The following AFF3 variants were observed in gnomAD, a reference collection of about 807,000 sequenced individuals.
The protein encoded by AFF3 is ALF transcription elongation factor 3.
Under a neutral mutation model 129.7 loss-of-function variants are expected in AFF3, and 32 were observed. The ratio of observed to expected loss-of-function variants is 0.25; its 90% CI spans 0.19 to 0.33. The LOEUF is 0.33. Ranked by LOEUF, AFF3 falls within the 10% of genes least tolerant of loss-of-function variation. AFF3 has a pLI of 1.00. For synonymous variants in AFF3, 644 were observed against 635.4 expected (o/e 1.01, Z -0.20); for missense variants, 1,373 against 1,592.0 (o/e 0.86, Z 2.34).
chr2:100,061,816 G>A (rs1039941379), intron 4 of AFF3, among the ~76,000 whole-genome samples: 1 of 145,004 alleles, frequency 6.9e-6, no homozygotes, highest in African/African-American at 2.5e-5. Context: ...GCTGTGCTGT[G>A]ATCCCCTCCA....
intron 7 of AFF3, among the ~76,000 whole-genome samples, chr2:99,887,489 A>G (rs1693200488): frequency 6.6e-6 from 1 of 152,218 alleles, no homozygotes; most frequent in East Asian, 1.9e-4. Flanking sequence ...TTTTAAAGCA[A>G]CACATTATCC....
intron 4 of AFF3, among the ~76,000 whole-genome samples, chr2:100,057,805 A>G (rs1686924530): frequency 6.6e-6 from 1 of 152,248 alleles, no homozygotes; most frequent in Admixed American, 6.5e-5. Context: ...ACCAGCATTT[A>G]TAACAAACAT....
At chr2:99,982,824 GA>G (rs1049642639) in intron 7 of AFF3, among the ~76,000 whole-genome samples, 1 of 152,090 alleles carries the variant, frequency 6.6e-6, no homozygotes, top group African/African-American at 2.4e-5. Context: ...AATCAGAACA[GA>G]AAAAAATTCC....
chr2:100,025,869 C>CTCATCTCT (rs1354670365), intron 4 of AFF3, among the ~76,000 whole-genome samples: 1 of 152,196 alleles, frequency 6.6e-6, no homozygotes, highest in African/African-American at 2.4e-5. Context: ...AAACTGGATC[C>CTCATCTCT]TCATCTCTCG....
In AFF3 at chr2:99,551,230, T is replaced by TATGGAAACTA. The variant is rs1228460125; in HGVS notation, c.*234_*243dup. 1 of 568,880 alleles carries TATGGAAACTA rather than the reference T, an allele frequency of 1.8e-6. No homozygotes were observed. The highest frequency in any genetic ancestry group is 3.1e-6 in the Non-Finnish European group (1 of 321,826). 35.2% of individuals were successfully genotyped at this position (568,880 alleles called of 1,614,324 possible). On this transcript the variant is annotated 3_prime_UTR_variant, in exon 25 of 25. Coordinates refer to ENST00000672756, the MANE Select transcript of AFF3 (RefSeq NM_001386135.1). ...CTGATCACTTTGTCTAGCCTGGGATTATGGAAACTAGACAAAGAAGGTGTG... is the reference window on the plus strand; with the variant it reads ...CTGATCACTTTGTCTAGCCTGGGATTATGGAAACTAATGGAAACTAGACAAAGAAGGTGTG...
At chr2:99,642,153 G>C (rs1314133879) in intron 13 of AFF3, among the ~76,000 whole-genome samples, 1 of 152,212 alleles carries the variant, frequency 6.6e-6, no homozygotes, top group Non-Finnish European at 1.5e-5. Context: ...GCAGGAGAGG[G>C]AGGGAGGAGC....
intron 8 of AFF3, among the ~76,000 whole-genome samples, chr2:99,818,753 T>C (rs1323712602): frequency 2.6e-5 from 4 of 152,246 alleles, no homozygotes; most frequent in African/African-American, 9.6e-5. Context: ...TACATGATTT[T>C]AAATTCTTTG....
At chr2:100,022,213 A>G (rs939509545) in intron 4 of AFF3, among the ~76,000 whole-genome samples, 1 of 152,216 alleles carries the variant, frequency 6.6e-6, no homozygotes. Context: ...AATTTCAGTT[A>G]GACACCTAAT....
Position 99,744,201 on chromosome 2 carries a change from C to T in AFF3, c.1003-61G>A. Reference sequence around the variant, plus strand: ...TTTGACTTTCAAAATCCAAGTTAAACATGAGATCATGTTTAAAACTGGTCA... The same window carrying T: ...TTTGACTTTCAAAATCCAAGTTAAATATGAGATCATGTTTAAAACTGGTCA... On this transcript the variant is annotated intron_variant, in intron 9 of 24. Coordinates refer to ENST00000672756, the MANE Select transcript of AFF3 (RefSeq NM_001386135.1). 3 of 1,469,152 alleles carry T rather than the reference C, an allele frequency of 2.0e-6. No individual in the cohort carries two copies. The Admixed American group carries it at 5.3e-5, about 26-fold the overall frequency. 91.0% of individuals were successfully genotyped at this position (1,469,152 alleles called of 1,614,324 possible). A position where few individuals can be genotyped will look rare whatever the true frequency, so the allele number is the denominator to read the frequency against.
At chr2:99,713,479 G>C (rs1678098620) in intron 11 of AFF3, among the ~76,000 whole-genome samples, 1 of 151,912 alleles carries the variant, frequency 6.6e-6, no homozygotes, top group South Asian at 2.1e-4. Context: ...CTGTTGGCCA[G>C]GTTGGTCTCA....
chr2:100,134,170 T>C (rs1370823244), intron 1 of AFF3, among the ~76,000 whole-genome samples: 2 of 152,146 alleles, frequency 1.3e-5, no homozygotes, highest in Non-Finnish European at 2.9e-5. Flanking sequence ...AAATATCTAG[T>C]TTTTAAGGCT....
intron 16 of AFF3, among the ~76,000 whole-genome samples, chr2:99,583,346 C>G (rs1407769087): frequency 6.6e-6 from 1 of 152,170 alleles, no homozygotes; most frequent in African/African-American, 2.4e-5. Flanking sequence ...AAGGAGCAAG[C>G]AGTGGGAAAG....
chr2:99,747,357 C>T (rs1681256861), intron 9 of AFF3, among the ~76,000 whole-genome samples: 1 of 151,068 alleles, frequency 6.6e-6, no homozygotes, highest in Non-Finnish European at 1.5e-5. Flanking sequence ...AGAGACAGGG[C>T]CACATTCTGT....
rs1443001410 is a variant in AFF3 at position 99,744,105 on chromosome 2, T to A, written c.1038A>T (p.Pro346=). The change falls in exon 10 of 25, where the codon CCA becomes CCT. Residue 346 remains proline, a splice_region_variant and synonymous_variant. Coordinates refer to ENST00000672756, the MANE Select transcript of AFF3 (RefSeq NM_001386135.1). ...SQLVSSGHNN[P]KKGDAEPESP... ...ACTCCAGAGCGAAGTCTTTCTTACT[T>A]GGATTATTGTGTCCAGAGGATACAA... The A allele has an allele frequency of 6.2e-7, 1 of 1,604,750 alleles. No individual in the cohort carries two copies.
chr2:99,688,838 G>T (rs553933602), intron 11 of AFF3, among the ~76,000 whole-genome samples: 5 of 152,058 alleles, frequency 3.3e-5, no homozygotes, highest in Non-Finnish European at 7.4e-5. Flanking sequence ...TATCTCACGG[G>T]CATCTTCAGC....
chr2:99,911,559 G>A (rs915040797), intron 7 of AFF3, among the ~76,000 whole-genome samples: 1 of 152,086 alleles, frequency 6.6e-6, no homozygotes, highest in African/African-American at 2.4e-5. Flanking sequence ...GACTCATACT[G>A]AACTTTACTG....
At chr2:99,806,962 T>A (rs1325663491) in intron 8 of AFF3, among the ~76,000 whole-genome samples, 1 of 152,072 alleles carries the variant, frequency 6.6e-6, no homozygotes, top group Non-Finnish European at 1.5e-5. Context: ...TTATCAGGAG[T>A]TGATCATGAC....
intron 18 of AFF3, among the ~76,000 whole-genome samples, chr2:99,572,881 T>C (rs1676635418): frequency 6.6e-6 from 1 of 152,340 alleles, no homozygotes; most frequent in South Asian, 2.1e-4. Flanking sequence ...GTAGCAAGGA[T>C]TCAAACACAG....
intron 11 of AFF3, among the ~76,000 whole-genome samples, chr2:99,726,539 A>C (rs1215549353): frequency 6.6e-6 from 1 of 152,240 alleles, no homozygotes; most frequent in Non-Finnish European, 1.5e-5. Flanking sequence ...TTGAATATTG[A>C]GAAGAAACAG....
Sources: allele counts gnomAD v4.1 joint callset (sites outside exome capture counted in the v4.1 genomes callset), GRCh38; gene constraint gnomAD v4.1.1; transcripts MANE v1.5; gene names NCBI Gene and HGNC (gene_info 2026-07-23, HGNC 2026-07-21).